USP49: variants seen among roughly 807,000 people sequenced by gnomAD.
USP49 encodes ubiquitin specific peptidase 49, also known as ubiquitin carboxyl-terminal hydrolase 49.
A neutral mutation model predicts 58.6 loss-of-function variants in USP49; 24 were observed. That is an observed-to-expected ratio of 0.41 (90% CI 0.30 to 0.58). USP49 has a LOEUF of 0.58. Among genes scored for constraint, USP49 ranks in the 20% least tolerant of loss-of-function variants. The pLI is 0.30. For missense variants in USP49, 703 were observed against 866.1 expected, an observed-to-expected ratio of 0.81 and a Z score of 2.36; for synonymous variants, 408 against 365.1, an observed-to-expected ratio of 1.12 and a Z score of -1.34.
intron 3 of USP49, among the ~76,000 whole-genome samples, chr6:41,851,307 C>G (rs1233474977): frequency 1.3e-5 from 2 of 152,140 alleles, no homozygotes. Context: ...GGACTCATTT[C>G]TGGAATGCAT....
intron 3 of USP49, among the ~76,000 whole-genome samples, chr6:41,821,477 A>G (rs1021012814): frequency 6.6e-6 from 1 of 152,204 alleles, no homozygotes; most frequent in African/African-American, 2.4e-5. Flanking sequence ...CTTTACTGGG[A>G]AAGAAAAGTC....
intron 2 of USP49, among the ~76,000 whole-genome samples, chr6:41,886,105 T>C (rs1774705804): frequency 6.6e-6 from 1 of 152,238 alleles, no homozygotes; most frequent in Non-Finnish European, 1.5e-5. Context: ...ATTTAACTTT[T>C]TTATATGCAA....
chr6:41,874,429 CAAT>C (rs1313698204), intron 2 of USP49, among the ~76,000 whole-genome samples: 4 of 152,086 alleles, frequency 2.6e-5, no homozygotes, highest in East Asian at 3.8e-4. Flanking sequence ...CAAACAATAA[CAAT>C]GATGATGATG....
intron 5 of USP49, among the ~76,000 whole-genome samples, chr6:41,802,290 G>A (rs952097297): frequency 1.3e-5 from 2 of 151,606 alleles, no homozygotes; most frequent in Non-Finnish European, 2.9e-5. Flanking sequence ...CCAAAGTGTT[G>A]GGATTACAGG....
intron 3 of USP49, among the ~76,000 whole-genome samples, chr6:41,853,416 T>G (rs1043748499): frequency 6.6e-6 from 1 of 152,178 alleles, no homozygotes; most frequent in African/African-American, 2.4e-5. Context: ...GTTTCAGATT[T>G]GCAAAATGAA....
At chr6:41,873,708 A>AG (rs1774455058) in intron 2 of USP49, among the ~76,000 whole-genome samples, 1 of 152,220 alleles carries the variant, frequency 6.6e-6, no homozygotes, top group Non-Finnish European at 1.5e-5. Context: ...TCAGTCCTAC[A>AG]CTAAGCAGCA....
At chr6:41,801,135 T>C (rs1467563117) in intron 5 of USP49, among the ~76,000 whole-genome samples, 3 of 152,266 alleles carry the variant, frequency 2.0e-5, no homozygotes, top group Non-Finnish European at 4.4e-5. Flanking sequence ...AAATAAATAA[T>C]GGAAATAGAG....
At chr6:41,887,270 T>A (rs950937532) in intron 2 of USP49, 14 of 152,184 alleles carry the variant, frequency 9.2e-5, no homozygotes, top group African/African-American at 2.9e-4. Context: ...TCCTCCTAAC[T>A]CACTAGCAAC....
At chr6:41,840,266 C>T (rs1773800579) in intron 3 of USP49, among the ~76,000 whole-genome samples, 1 of 150,342 alleles carries the variant, frequency 6.7e-6, no homozygotes, top group Admixed American at 6.7e-5. Flanking sequence ...CCCAGCTACT[C>T]GGGAGGCTGA....
Position 41,798,841 on chromosome 6 carries a change from T to A in USP49, c.1759A>T (p.Met587Leu). The change falls in exon 7 of 8, where the codon ATG becomes TTG. Residue 587 changes from methionine (M) to leucine (L), a missense_variant. By Grantham distance (15) the Met-to-Leu change is conservative (BLOSUM62 2). Around this residue, in one of 6 missense-constraint regions of USP49, gnomAD observed 158 missense variants for 241.2 expected, o/e 0.66. Transcript: ENST00000682992. ...LTMEPYCCRD[M>L]LSSLDKETFA... ...GTCTCTTTGTCAAGAGAGGAGAGCATGTCCCTGCAGCAGTAAGGTTCCATG... is the reference window on the plus strand; with the variant it reads ...GTCTCTTTGTCAAGAGAGGAGAGCAAGTCCCTGCAGCAGTAAGGTTCCATG... The A allele has an allele frequency of 6.2e-7, 1 of 1,613,808 alleles. No individual in the cohort carries two copies. The highest frequency in any genetic ancestry group is 8.5e-7 in the Non-Finnish European group (1 of 1,179,942).
At chr6:41,798,680 AC>A in intron 7 of USP49, 43 bp downstream of exon 7, 1 of 1,613,772 alleles carries the variant, frequency 6.2e-7, no homozygotes, top group Non-Finnish European at 8.5e-7. Context: ...GGACAAATCA[AC>A]CCCTTTCCGT....
At chr6:41,873,905 G>A (rs894595142) in intron 2 of USP49, among the ~76,000 whole-genome samples, 5 of 152,158 alleles carry the variant, frequency 3.3e-5, no homozygotes, top group African/African-American at 1.2e-4. Flanking sequence ...TTTCTATCCA[G>A]GTCCCACTTA....
chr6:41,797,792 A>C (rs1299144137), intron 7 of USP49: 1 of 985,736 alleles, frequency 1.0e-6, no homozygotes, highest in Non-Finnish European at 1.2e-6. Context: ...TAATATTATC[A>C]ATAACCAATA....
At chr6:41,816,603 T>G (rs1362918688) in intron 3 of USP49, among the ~76,000 whole-genome samples, 1 of 152,158 alleles carries the variant, frequency 6.6e-6, no homozygotes, top group African/African-American at 2.4e-5. Flanking sequence ...TGATACTTTT[T>G]AAAAACTAAA....
intron 2 of USP49, among the ~76,000 whole-genome samples, chr6:41,874,679 C>G (rs915879913): frequency 6.6e-6 from 1 of 152,088 alleles, no homozygotes; most frequent in African/African-American, 2.4e-5. Flanking sequence ...GGAAATATAC[C>G]AGGCTGGGAG....
At chr6:41,808,646 G>A (rs932493659) in intron 3 of USP49, among the ~76,000 whole-genome samples, 2 of 151,986 alleles carry the variant, frequency 1.3e-5, no homozygotes, top group African/African-American at 4.8e-5. Context: ...TCTTGACCTC[G>A]TGATCCGCCC....
At chr6:41,800,408 T>G (rs1772977116) in intron 5 of USP49, among the ~76,000 whole-genome samples, 1 of 152,258 alleles carries the variant, frequency 6.6e-6, no homozygotes. Flanking sequence ...TCTCTCATTT[T>G]AAGTCATTGT....
intron 2 of USP49, among the ~76,000 whole-genome samples, chr6:41,882,925 A>C (rs985719831): frequency 2.0e-5 from 3 of 151,954 alleles, no homozygotes; most frequent in Non-Finnish European, 2.9e-5. Flanking sequence ...CAAAACAAAA[A>C]ACAAAAAACA....
At chr6:41,885,799 A>G (rs901332430) in intron 2 of USP49, among the ~76,000 whole-genome samples, 4 of 150,400 alleles carry the variant, frequency 2.7e-5, no homozygotes, top group Admixed American at 6.6e-5. Context: ...CTGTCTCAGG[A>G]AAAAAAAAGA....
Sources: gnomAD v4.1 joint callset for allele counts (sites outside exome capture counted in the v4.1 genomes callset) on GRCh38, gnomAD v4.1.1 for gene constraint, gnomAD v4.1.1 regional missense constraint, MANE v1.5 for transcripts, NCBI Gene and HGNC (gene_info 2026-07-23, HGNC 2026-07-21) for gene names.